NBPF8: variants seen among roughly 807,000 people sequenced by gnomAD.
NBPF8 encodes NBPF family member NBPF8.
intron 11 of NBPF8, among the ~76,000 whole-genome samples, chr1:120,449,905 C>G (rs1661213357): frequency 6.6e-6 from 1 of 152,134 alleles, no homozygotes; most frequent in Admixed American, 6.6e-5. Flanking sequence ...CTAATAGAAC[C>G]TGTGCTGTCT....
intron 1 of NBPF8, among the ~76,000 whole-genome samples, 104 bp downstream of exon 2, chr1:120,420,222 G>A (rs1660536053): frequency 6.6e-6 from 1 of 151,904 alleles, no homozygotes. Context: ...ACATCGCAGG[G>A]CCTTGCCTGG....
At chr1:120,432,413 CTCAG>C (rs1660905944), upstream of NBPF8, 1 of 111,776 alleles carries the variant, frequency 8.9e-6, no homozygotes, top group South Asian at 2.8e-4. Context: ...AATTGAACCA[CTCAG>C]TCGGTACTGA....
chr1:120,461,016 CTGTGTGTGTGTGTGTGTGTGTGTG>C lies in NBPF8; in HGVS notation n.2837-212_2837-189del, dbSNP rs202089337. Among the ~76,000 whole-genome samples the C allele has an allele frequency of 3.8e-4, 50 of 131,310 alleles. No individual in the cohort carries two copies. In the East Asian group the frequency reaches 0.01, roughly 26 times the overall value. 86.1% of individuals were successfully genotyped at this position (131,310 alleles called of 152,430 possible). A position where few individuals can be genotyped will look rare whatever the true frequency, so the allele number is the denominator to read the frequency against. ...ACCTGACCAATTCACTGAGCTCGAACTGTGTGTGTGTGTGTGTGTGTGTGTGTGTGTGTGTGTGTGTGTGTGTGT... is the reference window on the plus strand; with the variant it reads ...ACCTGACCAATTCACTGAGCTCGAACTGTGTGTGTGTGTGTGTGTGTGTGT... On this transcript the variant is annotated intron_variant and non_coding_transcript_variant, in intron 18 of 24. Coordinates refer to ENST00000583271, the Ensembl canonical transcript of NBPF8.
At chr1:120,460,262 T>C (rs2101692982) in intron 17 of NBPF8, among the ~76,000 whole-genome samples, 1 of 152,332 alleles carries the variant, frequency 6.6e-6, no homozygotes, top group Admixed American at 6.5e-5. Context: ...GTATCTCTCC[T>C]ATGAGGTGTT....
intron 11 of NBPF8, 70 bp from the exon 10 acceptor site, chr1:120,451,110 G>A (rs1661257167): frequency 1.2e-6 from 1 of 811,782 alleles, no homozygotes; most frequent in South Asian, 1.3e-5. Flanking sequence ...CCTGGCTCCT[G>A]TCCTGTAGGC....
chr1:120,468,495 C>T (rs1661811328), downstream of NBPF8, among the ~76,000 whole-genome samples: 1 of 141,198 alleles, frequency 7.1e-6, no homozygotes, highest in Admixed American at 7.2e-5. Flanking sequence ...GAGATATTGT[C>T]CTCCTTGGGG....
chr1:120,462,737 G>A (rs1661627943), intron 20 of NBPF8, 57 bp from the exon 19 acceptor site: 1 of 224,610 alleles, frequency 4.5e-6, no homozygotes. Context: ...ATCTAGCTGG[G>A]GCTGTGTGGT....
At chr1:120,418,554 T>A (rs1295014599), upstream of NBPF8, among the ~76,000 whole-genome samples, 2 of 149,068 alleles carry the variant, frequency 1.3e-5, no homozygotes, top group African/African-American at 4.9e-5. Flanking sequence ...CATCGAACAA[T>A]TTTTTTTTTT....
intron 14 of NBPF8, 115 bp downstream of exon 12, chr1:120,453,559 G>A: frequency 1.0e-6 from 1 of 965,776 alleles, no homozygotes; most frequent in Non-Finnish European, 1.6e-6. Flanking sequence ...CTTAGCCACA[G>A]TATGTGAAAT....
chr1:120,434,295 ATATATACACGTATG>A (rs1389720678), upstream of NBPF8, among the ~76,000 whole-genome samples: 25 of 147,532 alleles, frequency 1.7e-4, no homozygotes, highest in Non-Finnish European at 4.5e-5. Context: ...CGTATTATAT[ATATATACACGTATG>A]TATATACACG....
At chr1:120,455,101 C>G (rs1661399775) in intron 15 of NBPF8, among the ~76,000 whole-genome samples, 1 of 149,792 alleles carries the variant, frequency 6.7e-6, no homozygotes, top group Non-Finnish European at 1.5e-5. Flanking sequence ...CGCAGCAACA[C>G]TCTTAGAAAA....
chr1:120,454,531 T>C (rs1454525539), intron 15 of NBPF8, among the ~76,000 whole-genome samples: 1 of 152,058 alleles, frequency 6.6e-6, no homozygotes, highest in Non-Finnish European at 1.5e-5. Flanking sequence ...GCTCTCAGCT[T>C]TCATCTGGAT....
rs1476558214 is a variant in NBPF8, at chr1:120,428,884, A to G, written n.510+1037A>G. On this transcript the variant is annotated intron_variant and non_coding_transcript_variant, in intron 3 of 28. Coordinates refer to the NBPF8 transcript ENST00000652355. Reference sequence around the variant, plus strand: ...TGGAACAACAGTTGAAAATAACAATATCTTGACTCCTGGTTGAGTGCTTTA... The same window carrying G: ...TGGAACAACAGTTGAAAATAACAATGTCTTGACTCCTGGTTGAGTGCTTTA... Among the ~76,000 whole-genome samples the G allele has an allele frequency of 1.2e-3, 181 of 151,666 alleles. 1 individual carries two copies. The highest frequency in any genetic ancestry group is 2.2e-3 in the Non-Finnish European group (148 of 67,968).
At chr1:120,434,743 T>A (rs1184952389), upstream of NBPF8, among the ~76,000 whole-genome samples, 1 of 140,410 alleles carries the variant, frequency 7.1e-6, no homozygotes, top group Non-Finnish European at 1.5e-5. Flanking sequence ...CTCCATCATA[T>A]GTTGAAATTA....
chr1:120,427,993 G>T (rs1280679303), intron 3 of NBPF8, among the ~76,000 whole-genome samples, 146 bp downstream of exon 3: 2 of 152,172 alleles, frequency 1.3e-5, no homozygotes, highest in African/African-American at 4.8e-5. Flanking sequence ...GATGTCCCTT[G>T]TTCAACAATT....
In NBPF8 at chr1:120,466,289, T is replaced by C. The variant is rs1661748458; in HGVS notation, n.3880T>C. 8 of 1,586,822 alleles carry C rather than the reference T, an allele frequency of 5.0e-6. No individual in the cohort carries two copies. The South Asian group carries it at 8.9e-5, about 18-fold the overall frequency. On this transcript the variant is annotated non_coding_transcript_exon_variant, in exon 25 of 25. Transcript: ENST00000583271. ...ACCTATAGGCGCCTGAAGATTTGAA[T>C]GAAACTATAGTTCCATTTGGAAGCC... is the stretch of plus-strand genomic sequence containing the variant.
At chr1:120,415,965 C>T (rs1553245132), upstream of NBPF8, among the ~76,000 whole-genome samples, 30 of 152,334 alleles carry the variant, frequency 2.0e-4, no homozygotes, top group South Asian at 6.2e-3. Context: ...GGTTTTCTTG[C>T]TTTCCTCCTA....
Position 120,466,114 on chromosome 1 carries a change from G to C in NBPF8, n.3705G>C, listed in dbSNP as rs1437122155. On this transcript the variant is annotated non_coding_transcript_exon_variant, in exon 25 of 25. Coordinates refer to ENST00000583271, the Ensembl canonical transcript of NBPF8. The stretch of plus-strand genomic sequence containing the variant: ...CTACAGAAGTGTGTTTTACTCATTT[G>C]AGGAACAGCACATCAGCTTTGCCCT... The C allele has an allele frequency of 3.0e-5, 49 of 1,611,132 alleles. No homozygotes were observed. In the East Asian group the frequency reaches 3.6e-4, roughly 12 times the overall value.
intron 20 of NBPF8, 147 bp downstream of exon 18, chr1:120,462,344 G>C (rs1661615066): frequency 2.9e-6 from 2 of 690,156 alleles, no homozygotes; most frequent in Non-Finnish European, 2.6e-6. Context: ...CATTGCAGAA[G>C]ATGTTTAGGT....
Sources: allele counts gnomAD v4.1 joint callset (sites outside exome capture counted in the v4.1 genomes callset), GRCh38; gene constraint gnomAD v4.1.1; transcripts MANE v1.5; gene names NCBI Gene and HGNC (gene_info 2026-07-23, HGNC 2026-07-21).